The following DDHD1 variants were observed in gnomAD, a reference collection of about 807,000 sequenced individuals.
DDHD1 encodes phospholipase DDHD1.
Under a neutral mutation model 96.4 loss-of-function variants are expected in DDHD1, and 49 were observed. The ratio of observed to expected loss-of-function variants is 0.51; its 90% CI spans 0.40 to 0.64. The LOEUF (loss-of-function observed/expected upper bound fraction) is 0.64, where lower values mean the gene tolerates loss of function less well. DDHD1 is among the 30% of genes least tolerant of loss of function. The probability of loss-of-function intolerance (pLI) is 0.00; values close to 1 mark genes in which losing one functional copy is unlikely to be tolerated. For synonymous variants in DDHD1, 442 were observed against 446.5 expected (o/e 0.99, Z 0.13); for missense variants, 1,106 against 1,161.2 (o/e 0.95, Z 0.69).
Position 53,054,604 on chromosome 14 carries a change from A to G in DDHD1, c.2271T>C (p.Leu757=), listed in dbSNP as rs753381291. Residue 757 remains leucine, a synonymous_variant, in exon 11 of 13, where the codon CTT becomes CTC. Coordinates refer to ENST00000673822, the MANE Select transcript of DDHD1 (RefSeq NM_001160148.2). ...CAAATCTTGAGAACAACATTCCTCC[A>G]AGTCCCTTTCCAATGCTAGCAGCCC... ...ILGAASIGKG[L]GGMLFSRFGR... is the part of the protein sequence containing the mutation. The G allele has an allele frequency of 1.4e-5, 23 of 1,614,008 alleles. No individual in the cohort carries two copies. Among genetic ancestry groups the G allele is most frequent in the Non-Finnish European group, 1.9e-5 (23 of 1,179,916 alleles).
intron 1 of DDHD1, among the ~76,000 whole-genome samples, chr14:53,116,910 T>C (rs545850729): frequency 3.9e-5 from 6 of 152,148 alleles, no homozygotes; most frequent in African/African-American, 1.4e-4. Flanking sequence ...TTTCAAAAAA[T>C]CAATGAATCC....
intron 1 of DDHD1, among the ~76,000 whole-genome samples, chr14:53,110,669 C>T (rs971868305): frequency 1.3e-5 from 2 of 152,152 alleles, no homozygotes; most frequent in Non-Finnish European, 2.9e-5. Context: ...ATCTTGAGAA[C>T]TCAAAAGATA....
intron 1 of DDHD1, among the ~76,000 whole-genome samples, chr14:53,105,026 A>ATGTATT (rs1396832789): frequency 6.6e-6 from 1 of 152,060 alleles, no homozygotes; most frequent in Admixed American, 6.5e-5. Flanking sequence ...GTTAAGATGA[A>ATGTATT]TGTATTAATT....
At chr14:53,064,961 T>C (rs992421308) in intron 6 of DDHD1, among the ~76,000 whole-genome samples, 1 of 152,194 alleles carries the variant, frequency 6.6e-6, no homozygotes, top group African/African-American at 2.4e-5. Flanking sequence ...GATCCAATTA[T>C]ATTCTCCTAA....
chr14:53,146,216 CAAA>C (rs1480792457), intron 1 of DDHD1, among the ~76,000 whole-genome samples: 1 of 148,636 alleles, frequency 6.7e-6, no homozygotes, highest in Non-Finnish European at 1.5e-5. Context: ...TCAAAACAAA[CAAA>C]AAGGCCGGGC....
chr14:53,133,528 G>C (rs1195402430), intron 1 of DDHD1, among the ~76,000 whole-genome samples: 1 of 152,150 alleles, frequency 6.6e-6, no homozygotes, highest in East Asian at 1.9e-4. Context: ...AAGGTAGAAA[G>C]AACTAATGGT....
intron 6 of DDHD1, among the ~76,000 whole-genome samples, chr14:53,064,570 A>G (rs1883861993): frequency 6.6e-6 from 1 of 152,128 alleles, no homozygotes; most frequent in Non-Finnish European, 1.5e-5. Context: ...AACAAGATCA[A>G]ATTATCTAAG....
At chr14:53,146,931 GTT>G (rs1157662966) in intron 1 of DDHD1, among the ~76,000 whole-genome samples, 4 of 144,934 alleles carry the variant, frequency 2.8e-5, no homozygotes, top group East Asian at 2.0e-4. Context: ...AATGCTGACA[GTT>G]TTTTTTTTTT....
At position 53,037,502 on chromosome 14, in the gene DDHD1, T is replaced by G. The variant is rs1307340971; in HGVS notation, c.*9266A>C. 2.6e-5 allele frequency: 4 copies of G among 152,190 alleles called. No homozygotes were observed. Among genetic ancestry groups the G allele is most frequent in the Admixed American group, 2.6e-4 (4 of 15,270 alleles). The allele number at this position is 152,190 out of a possible 1,614,324, so 9.4% of individuals were successfully genotyped here. A position where few individuals can be genotyped will look rare whatever the true frequency, so the allele number is the denominator to read the frequency against. Reference sequence around the variant, plus strand: ...TGATTTGCATTTCTCTGATGATTAGTGATGAGCATTTTTTCACGTTTGTTG... The same window carrying G: ...TGATTTGCATTTCTCTGATGATTAGGGATGAGCATTTTTTCACGTTTGTTG... On this transcript the variant is annotated 3_prime_UTR_variant, in exon 13 of 13. Coordinates refer to ENST00000673822, the MANE Select transcript of DDHD1 (RefSeq NM_001160148.2).
intron 4 of DDHD1, among the ~76,000 whole-genome samples, chr14:53,089,781 T>C (rs907030748): frequency 3.7e-4 from 56 of 152,190 alleles, no homozygotes; most frequent in Admixed American, 2.4e-3. Flanking sequence ...ATTCAGGACA[T>C]AGGCATGGGC....
rs116961481 is a variant in DDHD1 at position 53,152,038 on chromosome 14, C to T, written c.838+223G>A. Among the ~76,000 whole-genome samples the T allele has an allele frequency of 7.3e-4, 111 of 152,312 alleles. No individual in the cohort carries two copies. In the East Asian group the frequency reaches 0.021, roughly 29 times the overall value. On this transcript the variant is annotated intron_variant, in intron 1 of 12. Coordinates refer to ENST00000673822, the MANE Select transcript of DDHD1 (RefSeq NM_001160148.2). ...CCGGCTCACCCAGGAGGCGCTACCCCCGAAGGTATCCAGTCCTCCTGACCC... is the reference window on the plus strand; with the variant it reads ...CCGGCTCACCCAGGAGGCGCTACCCTCGAAGGTATCCAGTCCTCCTGACCC...
chr14:53,093,443 A>G lies in DDHD1; in HGVS notation c.1014T>C (p.Ala338=), dbSNP rs542200589. ...TTCGACTCAACTTGAAACTATGAAC[A>G]GCTATTGCAAAAAGGAAAAGCTAAT... The part of the protein sequence containing the change: ...EVSKSIDGKD[A]VHSFKLSRNH... Residue 338 remains alanine, a splice_region_variant and synonymous_variant, in exon 3 of 13, where the codon GCT becomes GCC. Coordinates refer to ENST00000673822, the MANE Select transcript of DDHD1 (RefSeq NM_001160148.2). 29 of 1,607,054 alleles carry G rather than the reference A, an allele frequency of 1.8e-5. No individual in the cohort carries two copies. The East Asian group carries it at 6.1e-4, about 34-fold the overall frequency.
chr14:53,078,783 G>T (rs1472635093), intron 4 of DDHD1, among the ~76,000 whole-genome samples: 1 of 152,130 alleles, frequency 6.6e-6, no homozygotes, highest in Non-Finnish European at 1.5e-5. Context: ...TCTTGTTCCT[G>T]ATCTCAAGGA....
chr14:53,069,905 A>C (rs1169645702), intron 6 of DDHD1, among the ~76,000 whole-genome samples: 1 of 152,234 alleles, frequency 6.6e-6, no homozygotes, highest in African/African-American at 2.4e-5. Context: ...TCTGGATCAA[A>C]AGACTAATTC....
chr14:53,126,412 G>A (rs1483506154), intron 1 of DDHD1, among the ~76,000 whole-genome samples: 1 of 152,158 alleles, frequency 6.6e-6, no homozygotes, highest in African/African-American at 2.4e-5. Context: ...TCCCAGGCTA[G>A]AGTGCAGTGC....
chr14:53,105,033 A>C (rs1887582255), intron 1 of DDHD1, among the ~76,000 whole-genome samples: 1 of 152,042 alleles, frequency 6.6e-6, no homozygotes, highest in Admixed American at 6.5e-5. Context: ...TGAATGTATT[A>C]ATTTTATTAA....
At chr14:53,114,006 T>G (rs1008109178) in intron 1 of DDHD1, among the ~76,000 whole-genome samples, 1 of 152,166 alleles carries the variant, frequency 6.6e-6, no homozygotes, top group African/African-American at 2.4e-5. Flanking sequence ...CAGTCTGAAG[T>G]CGACCAGGGA....
At chr14:53,142,827 C>T (rs1175681598) in intron 1 of DDHD1, among the ~76,000 whole-genome samples, 2 of 152,174 alleles carry the variant, frequency 1.3e-5, no homozygotes, top group South Asian at 2.1e-4. Flanking sequence ...CTCATAAAGG[C>T]AGGCAACAGT....
At position 53,040,625 on chromosome 14, in the gene DDHD1, C is replaced by G. The variant is rs1431279197; in HGVS notation, c.*6143G>C. 1 of 151,986 alleles carries G rather than the reference C, an allele frequency of 6.6e-6. No individual in the cohort carries two copies. The highest frequency in any genetic ancestry group is 1.5e-5 in the Non-Finnish European group (1 of 68,016). 9.4% of individuals were successfully genotyped at this position (151,986 alleles called of 1,614,324 possible). On this transcript the variant is annotated 3_prime_UTR_variant, in exon 13 of 13. Transcript: ENST00000673822. Reference sequence around the variant, plus strand: ...TGAGAAAATCAGAACTGGACAATGCCAGAATAAAAGTTTAAAGTTTCTGTC... The same window carrying G: ...TGAGAAAATCAGAACTGGACAATGCGAGAATAAAAGTTTAAAGTTTCTGTC...
Sources: gnomAD v4.1 joint callset for allele counts (sites outside exome capture counted in the v4.1 genomes callset) on GRCh38, gnomAD v4.1.1 for gene constraint, MANE v1.5 for transcripts, NCBI Gene and HGNC (gene_info 2026-07-23, HGNC 2026-07-21) for gene names.